MMP3: variants seen among roughly 807,000 people sequenced by gnomAD.
MMP3 encodes the protein stromelysin-1.
In MMP3, 46 loss-of-function variants were observed where a neutral mutation model predicts 47.3. That is an observed-to-expected ratio of 0.97 (90% confidence interval 0.77 to 1.24). MMP3 has a LOEUF of 1.24. MMP3 is among the 50% of genes most tolerant of loss of function. The pLI is 0.00. For missense variants in MMP3, 558 were observed against 565.5 expected, an observed-to-expected ratio of 0.99 and a Z score of 0.13; for synonymous variants, 216 against 206.5, an observed-to-expected ratio of 1.05 and a Z score of -0.39.
intron 4 of MMP3, among the ~76,000 whole-genome samples, chr11:102,841,631 A>T (rs1406091652): frequency 6.6e-6 from 1 of 151,496 alleles, no homozygotes; most frequent in African/African-American, 2.4e-5. Context: ...TGAACGTTGT[A>T]TTTGGGAGTT....
At position 102,837,700 on chromosome 11, in the gene MMP3, G is replaced by A. The variant is rs574393675; in HGVS notation, c.1230-299C>T. 1.1e-3 allele frequency among the ~76,000 whole-genome samples: 175 copies of A among 152,206 alleles called. 1 individual carries two copies. Among genetic ancestry groups the A allele is most frequent in the Non-Finnish European group, 2.0e-3 (134 of 68,022 alleles). On this transcript the variant is annotated intron_variant, in intron 8 of 9. Transcript: ENST00000299855. The surrounding 1 kb of genome is among the most constrained non-coding windows in gnomAD (Gnocchi z 4.4). The stretch of plus-strand genomic sequence containing the variant: ...AATCATCTTTCTGTCACAAAGACAT[G>A]AAAGTGTGAACATATATATAAAGTG...
rs782438889 is a variant in MMP3, at chr11:102,839,132, C to A, written c.1047G>T (p.Lys349Asn). ...GVDAAYEVTS[K>N]DLVFIFKGNQ... Reference sequence around the variant, plus strand: ...TACCTTTAAAAATGAAAACGAGGTCCTTGCTAGTAACTTCATATGCGGCAT... The same window carrying A: ...TACCTTTAAAAATGAAAACGAGGTCATTGCTAGTAACTTCATATGCGGCAT... The change falls in exon 7 of 10, where the codon AAG (lysine) becomes AAT (asparagine). Residue 349 changes from lysine (K) to asparagine (N), a missense_variant. Physicochemically the swap from Lys to Asn is moderately conservative, Grantham distance 94. Coordinates refer to ENST00000299855, the MANE Select transcript of MMP3 (RefSeq NM_002422.5). 6.2e-7 allele frequency: 1 copy of A among 1,613,722 alleles called. No individual in the cohort carries two copies. Among genetic ancestry groups the A allele is most frequent in the Non-Finnish European group, 8.5e-7 (1 of 1,179,894 alleles).
chr11:102,841,380 A>G (rs1245174439), intron 4 of MMP3, among the ~76,000 whole-genome samples: 2 of 152,196 alleles, frequency 1.3e-5, no homozygotes, highest in Non-Finnish European at 2.9e-5. Context: ...GTTTCTTTAC[A>G]AGAATTCGTT....
rs1555004583 is a variant in MMP3 at position 102,836,535 on chromosome 11, A to T, written c.1334-309T>A. 3.9e-6 allele frequency: 2 copies of T among 510,096 alleles called. No individual in the cohort carries two copies. Among genetic ancestry groups the T allele is most frequent in the South Asian group, 3.1e-5 (2 of 64,912 alleles). 31.6% of individuals were successfully genotyped at this position (510,096 alleles called of 1,614,324 possible). A position where few individuals can be genotyped will look rare whatever the true frequency, so the allele number is the denominator to read the frequency against. On this transcript the variant is annotated intron_variant, in intron 9 of 9. Coordinates refer to ENST00000299855, the MANE Select transcript of MMP3 (RefSeq NM_002422.5). This position sits in a 1 kb window ranked among gnomAD's most constrained non-coding sequence, Gnocchi z 4.6. ...CACTCGGTGCCAGCTCTGTCTGAAA[A>T]CACAGCCAGATTCCAGGTTACAGGG...
At chr11:102,838,914 T>A (rs1858938643) in intron 7 of MMP3, among the ~76,000 whole-genome samples, 196 bp downstream of exon 7, 1 of 152,216 alleles carries the variant, frequency 6.6e-6, no homozygotes, top group Non-Finnish European at 1.5e-5. Flanking sequence ...TTTACAACTC[T>A]GGGTAATTTA....
At chr11:102,839,988 C>G (rs1858963672) in intron 6 of MMP3, 120 bp downstream of exon 6, 3 of 1,149,002 alleles carry the variant, frequency 2.6e-6, no homozygotes, top group Non-Finnish European at 3.6e-6. Context: ...TAAATGATTC[C>G]AAGCTCAGAA....
intron 3 of MMP3, 26 bp downstream of exon 3, chr11:102,842,405 T>TTTTTTTTTTTTTTTTTTTTTTTC: frequency 1.1e-5 from 2 of 180,190 alleles, no homozygotes; most frequent in Non-Finnish European, 1.5e-5. Context: ...TTTGTTTTGC[T>TTTTTTTTTTTTTTTTTTTTTTTC]TTTTTTTTTT....
In MMP3 at chr11:102,840,222, AG is replaced by A; in HGVS notation, c.820del (p.Leu274TrpfsTer29). 1 of 1,614,044 alleles carries A rather than the reference AG, an allele frequency of 6.2e-7. No individual in the cohort carries two copies. The highest frequency in any genetic ancestry group is 8.5e-7 in the Non-Finnish European group (1 of 1,179,946). On this transcript the variant is annotated frameshift_variant, in exon 6 of 10. Coordinates refer to ENST00000299855, the MANE Select transcript of MMP3 (RefSeq NM_002422.5). LOFTEE classifies it high-confidence loss of function. Reference protein sequence around the residue: ...GPPPDSPETPLVPTEPVPPEP... With the variant: ...GPPPDSPETPXVPTEPVPPEP... ...TGGAGGGACAGGTTCCGTGGGTACC[AG>A]GGGGGTCTCAGGGGAGTCAGGGGGA...
At position 102,840,258 on chromosome 11, in the gene MMP3, G is replaced by A; in HGVS notation, c.791-6C>T. 6.2e-7 allele frequency: 1 copy of A among 1,611,666 alleles called. No individual in the cohort carries two copies. The highest frequency in any genetic ancestry group is 1.1e-5 in the South Asian group (1 of 90,592). On this transcript the variant is annotated splice_region_variant and splice_polypyrimidine_tract_variant and intron_variant, in intron 5 of 9. Transcript: ENST00000299855. ...AGGGGAGTCAGGGGGAGGTCCTAAAGGGAACATTAGGGGAAATGTGATACG... is the reference window on the plus strand; with the variant it reads ...AGGGGAGTCAGGGGGAGGTCCTAAAAGGAACATTAGGGGAAATGTGATACG...
At position 102,839,186 on chromosome 11, in the gene MMP3, T is replaced by C; in HGVS notation, c.993A>G (p.Ser331=). 1 of 1,614,142 alleles carries C rather than the reference T, an allele frequency of 6.2e-7. No homozygotes were observed. Among genetic ancestry groups the C allele is most frequent in the Non-Finnish European group, 8.5e-7 (1 of 1,179,998 alleles). ...CGCCTGAAGGAAGAGATGGCCAAAA[T>C]GAAGAGATCAAATGCAATTCAGGTT... ...KLEPELHLIS[S]FWPSLPSGVD... is the part of the protein sequence containing the mutation. The change falls in exon 7 of 10, where the codon TCA becomes TCG. Residue 331 remains serine, a synonymous_variant. Coordinates refer to ENST00000299855, the MANE Select transcript of MMP3 (RefSeq NM_002422.5).
Position 102,840,232 on chromosome 11 carries a change from C to T in MMP3, c.811G>A (p.Glu271Lys). 1 of 1,613,686 alleles carries T rather than the reference C, an allele frequency of 6.2e-7. No homozygotes were observed. Among genetic ancestry groups the T allele is most frequent in the Non-Finnish European group, 8.5e-7 (1 of 1,179,888 alleles). ...SLYGPPPDSP[E>K]TPLVPTEPVP... ...GGTTCCGTGGGTACCAGGGGGGTCT[C>T]AGGGGAGTCAGGGGGAGGTCCTAAA... The change falls in exon 6 of 10, where the codon GAG becomes AAG. Residue 271 changes from glutamate to lysine, a missense_variant. Coordinates refer to ENST00000299855, the MANE Select transcript of MMP3 (RefSeq NM_002422.5).
At chr11:102,838,876 A>T (rs1191610166) in intron 7 of MMP3, among the ~76,000 whole-genome samples, 166 bp from the exon 8 acceptor site, 12 of 152,350 alleles carry the variant, frequency 7.9e-5, no homozygotes, top group Non-Finnish European at 1.5e-4. Context: ...TGCAGACTGA[A>T]TGAATGAACT....
intron 6 of MMP3, 98 bp downstream of exon 6, chr11:102,840,010 G>A: frequency 1.7e-5 from 22 of 1,322,284 alleles, no homozygotes; most frequent in Non-Finnish European, 2.2e-5. Context: ...AAACGTTTTT[G>A]TTTTAAATGT....
rs1452412359 is a variant in MMP3, at chr11:102,837,164, G to A, written c.1333+134C>T. 7.8e-6 allele frequency: 5 copies of A among 640,474 alleles called. No homozygotes were observed. The highest frequency in any genetic ancestry group is 7.3e-5 in the African/African-American group (4 of 54,580). 39.7% of individuals were successfully genotyped at this position (640,474 alleles called of 1,614,324 possible). ...TAGTTCTATAATGAGTACAAATGTA[G>A]GCGAATCAAAATTTTGAGAAGGGAA... On this transcript the variant is annotated intron_variant, in intron 9 of 9. Coordinates refer to ENST00000299855, the MANE Select transcript of MMP3 (RefSeq NM_002422.5). The surrounding 1 kb of genome is among the most constrained non-coding windows in gnomAD (Gnocchi z 4.4).
rs185081958 is a variant in MMP3 at position 102,838,608 on chromosome 11, G to T, written c.1172C>A (p.Ala391Asp). 3 of 1,613,600 alleles carry T rather than the reference G, an allele frequency of 1.9e-6. No individual in the cohort carries two copies. The highest frequency in any genetic ancestry group is 4.5e-5 in the East Asian group (2 of 44,886). ...FPPTVRKIDAAISDKEKNKTY... is the reference protein window; with the variant it reads ...FPPTVRKIDADISDKEKNKTY... ...TTTGTTCTTTTCCTTATCAGAAATG[G>T]CTGCATCGATTTTCCTCACGGTTGG... is the stretch of plus-strand genomic sequence containing the variant. The change falls in exon 8 of 10, where the codon GCC (alanine) becomes GAC (aspartate). Residue 391 changes from alanine (A) to aspartate (D), a missense_variant. Coordinates refer to ENST00000299855, the MANE Select transcript of MMP3 (RefSeq NM_002422.5).
rs1859011461 is a variant in MMP3 at position 102,842,255 on chromosome 11, T to C, written c.524A>G (p.Asp175Gly). 6.2e-7 allele frequency: 1 copy of C among 1,606,920 alleles called. No individual in the cohort carries two copies. Among genetic ancestry groups the C allele is most frequent in the Non-Finnish European group, 8.5e-7 (1 of 1,178,232 alleles). Residue 175 changes from aspartate to glycine, a missense_variant, in exon 4 of 10, where the codon GAT becomes GGT. Transcript: ENST00000299855. ...VREHGDFYPFDGPGNVLAHAY... is the reference protein window; with the variant it reads ...VREHGDFYPFGGPGNVLAHAY... ...ATGGGCCAAAACATTTCCAGGTCCA[T>C]CAAAAGGGTAAAAGTCTCCATGTTC... is the stretch of plus-strand genomic sequence containing the variant.
chr11:102,838,232 A>G (rs1858920397), intron 8 of MMP3, among the ~76,000 whole-genome samples: 1 of 152,120 alleles, frequency 6.6e-6, no homozygotes, highest in African/African-American at 2.4e-5. Context: ...CACGAGGGAA[A>G]GCTGCATGGA....
rs1347820056 is a variant in MMP3, at chr11:102,837,303, T to C, written c.1328A>G (p.Glu443Gly). Residue 443 changes from glutamate to glycine, a missense_variant, in exon 9 of 10, where the codon GAA (glutamate) becomes GGA (glycine). By Grantham distance (98) the Glu-to-Gly change is moderately conservative (BLOSUM62 -2). Coordinates refer to ENST00000299855, the MANE Select transcript of MMP3 (RefSeq NM_002422.5). The surrounding 1 kb of genome is among the most constrained non-coding windows in gnomAD (Gnocchi z 4.4). ...CACAGTAAGTATCCTCTTACCAAAT[T>C]CTTCAAAAACAGCATCAATCTTTGA... Reference protein sequence around the residue: ...IDSKIDAVFEEFGFFYFFTGS... With the variant: ...IDSKIDAVFEGFGFFYFFTGS... The C allele has an allele frequency of 1.2e-6, 2 of 1,612,380 alleles. No individual in the cohort carries two copies. Among genetic ancestry groups the C allele is most frequent in the Admixed American group, 1.7e-5 (1 of 60,004 alleles).
At position 102,835,842 on chromosome 11, in the gene MMP3, T is replaced by G. The variant is rs1345198716; in HGVS notation, c.*284A>C. ...TCGTCTTTATTAAATAAGCAAATAGTCTACACAGATACAGTCACTTGTCTG... is the reference window on the plus strand; with the variant it reads ...TCGTCTTTATTAAATAAGCAAATAGGCTACACAGATACAGTCACTTGTCTG... On this transcript the variant is annotated 3_prime_UTR_variant, in exon 10 of 10. Coordinates refer to ENST00000299855, the MANE Select transcript of MMP3 (RefSeq NM_002422.5). 6.2e-6 allele frequency: 2 copies of G among 320,970 alleles called. No individual in the cohort carries two copies. The highest frequency in any genetic ancestry group is 4.2e-5 in the African/African-American group (2 of 47,812). The allele number at this position is 320,970 out of a possible 1,614,324, so 19.9% of individuals were successfully genotyped here. A position where few individuals can be genotyped will look rare whatever the true frequency, so the allele number is the denominator to read the frequency against.
Sources: allele counts gnomAD v4.1 joint callset (sites outside exome capture counted in the v4.1 genomes callset), GRCh38; gene constraint gnomAD v4.1.1; non-coding constraint Gnocchi (gnomAD v3.1); transcripts MANE v1.5; gene names NCBI Gene and HGNC (gene_info 2026-07-23, HGNC 2026-07-21).